Variants in SLC24A4 observed in about 807,000 individuals in gnomAD.
The protein encoded by SLC24A4 is sodium/potassium/calcium exchanger 4.
In SLC24A4, 53 loss-of-function variants were observed where a neutral mutation model predicts 79.0. The observed-to-expected ratio is 0.67, with a 90% CI of 0.54 to 0.84. SLC24A4 has a LOEUF of 0.84. Ranked by LOEUF, SLC24A4 falls within the 40% of genes least tolerant of loss-of-function variation. The pLI is 0.00. For missense variants in SLC24A4, 731 were observed against 822.0 expected, an observed-to-expected ratio of 0.89 and a Z score of 1.35; for synonymous variants, 323 against 323.8, an observed-to-expected ratio of 1.00 and a Z score of 0.03.
chr14:92,491,859 A>G (rs1028812632), intron 15 of SLC24A4, 82 bp downstream of exon 15: 1 of 1,097,458 alleles, frequency 9.1e-7, no homozygotes. Context: ...AGGCTCTAGG[A>G]GACGACCTCC....
In SLC24A4 at chr14:92,398,743, C is replaced by T. The variant is rs1291477625; in HGVS notation, c.242-35169C>T. Among the ~76,000 whole-genome samples the T allele has an allele frequency of 6.6e-6, 1 of 152,178 alleles. No homozygotes were observed. Among genetic ancestry groups the T allele is most frequent in the African/African-American group, 2.4e-5 (1 of 41,448 alleles). ...TGGGCTGCACAGGCCAGGAAATTAC[C>T]AGCATGTCCTCTCAAACACCTCCTG... On this transcript the variant is annotated intron_variant, in intron 2 of 16. Transcript: ENST00000532405. The surrounding 1 kb of genome is among the most constrained non-coding windows in gnomAD (Gnocchi z 4.1).
chr14:92,392,102 C>CT (rs887856310), intron 2 of SLC24A4, among the ~76,000 whole-genome samples: 3 of 152,060 alleles, frequency 2.0e-5, no homozygotes, highest in African/African-American at 7.2e-5. Flanking sequence ...CTCCTTCCTC[C>CT]TTCCCGGGGC....
intron 16 of SLC24A4, chr14:92,492,799 T>G (rs987002449): frequency 2.2e-6 from 1 of 454,132 alleles, no homozygotes; most frequent in Non-Finnish European, 4.4e-6. Context: ...TGGTCTGTCC[T>G]TAGGGAACTC....
At chr14:92,348,907 A>G (rs1886700625) in intron 2 of SLC24A4, among the ~76,000 whole-genome samples, 1 of 152,200 alleles carries the variant, frequency 6.6e-6, no homozygotes, top group African/African-American at 2.4e-5. Flanking sequence ...GAGAAAGCCT[A>G]AACTCAGGAG....
intron 2 of SLC24A4, among the ~76,000 whole-genome samples, chr14:92,344,603 T>G (rs1290206640): frequency 6.6e-6 from 1 of 152,130 alleles, no homozygotes; most frequent in East Asian, 1.9e-4. Context: ...GACTCCAATC[T>G]TAGGACCGAG....
intron 2 of SLC24A4, among the ~76,000 whole-genome samples, chr14:92,374,211 G>C (rs1226212106): frequency 6.6e-6 from 1 of 152,176 alleles, no homozygotes; most frequent in Non-Finnish European, 1.5e-5. Context: ...CATGATTTTT[G>C]TGACTGTTAC....
rs555952639 is a variant in SLC24A4 at position 92,498,221 on chromosome 14, G to A, written c.*4593G>A. The A allele has an allele frequency of 2.0e-5, 3 of 152,320 alleles. No individual in the cohort carries two copies. Among genetic ancestry groups the A allele is most frequent in the Admixed American group, 2.0e-4 (3 of 15,304 alleles). 9.4% of individuals were successfully genotyped at this position (152,320 alleles called of 1,614,324 possible). A position where few individuals can be genotyped will look rare whatever the true frequency, so the allele number is the denominator to read the frequency against. On this transcript the variant is annotated 3_prime_UTR_variant, in exon 17 of 17. Coordinates refer to ENST00000532405, the MANE Select transcript of SLC24A4 (RefSeq NM_153646.4). ...TCCTGGTCTCTGTAGCTGATCCTGT[G>A]AGCCCCTCAAGCATGAAGCCTCCCT...
intron 2 of SLC24A4, among the ~76,000 whole-genome samples, chr14:92,357,162 T>A (rs939190904): frequency 6.6e-6 from 1 of 152,216 alleles, no homozygotes; most frequent in African/African-American, 2.4e-5. Context: ...GATGTTTCAT[T>A]CTTCCTTGGA....
intron 13 of SLC24A4, among the ~76,000 whole-genome samples, chr14:92,483,283 T>TGTGCTG (rs1895165341): frequency 6.6e-6 from 1 of 152,174 alleles, no homozygotes; most frequent in Non-Finnish European, 1.5e-5. Context: ...CCCCCACTGA[T>TGTGCTG]GTGCTGGTGC....
chr14:92,445,791 G>A (rs973696040), intron 8 of SLC24A4, among the ~76,000 whole-genome samples: 1 of 152,110 alleles, frequency 6.6e-6, no homozygotes, highest in African/African-American at 2.4e-5. Flanking sequence ...TTATACAAGG[G>A]TAAACTCCAG....
intron 2 of SLC24A4, among the ~76,000 whole-genome samples, chr14:92,399,314 G>T (rs1280359119): frequency 6.6e-6 from 1 of 152,210 alleles, no homozygotes; most frequent in Admixed American, 6.5e-5. Flanking sequence ...TAGGGATAAA[G>T]ATTTTCCATT....
intron 2 of SLC24A4, among the ~76,000 whole-genome samples, chr14:92,389,125 T>C (rs1889328439): frequency 6.6e-6 from 1 of 152,170 alleles, no homozygotes; most frequent in Non-Finnish European, 1.5e-5. Context: ...CTGATGATTG[T>C]TGAACTTGGA....
Position 92,445,339 on chromosome 14 carries a change from T to C in SLC24A4, c.680T>C (p.Val227Ala), listed in dbSNP as rs1400880820. ...LIVFIYDEQI[V>A]WWEGLVLIIL... ...CAGTTCATATATGATGAACAAATTG[T>C]GTGGTAAGTTTTTCAAGTGTAGTTT... The change falls in exon 8 of 17, where the codon GTG (valine) becomes GCG (alanine). Residue 227 changes from valine (V) to alanine (A), a missense_variant. Coordinates refer to ENST00000532405, the MANE Select transcript of SLC24A4 (RefSeq NM_153646.4). The C allele has an allele frequency of 6.2e-7, 1 of 1,614,086 alleles. No homozygotes were observed. Among genetic ancestry groups the C allele is most frequent in the Admixed American group, 1.7e-5 (1 of 60,026 alleles).
chr14:92,405,085 T>C (rs1217266968), intron 2 of SLC24A4, among the ~76,000 whole-genome samples: 1 of 152,136 alleles, frequency 6.6e-6, no homozygotes, highest in African/African-American at 2.4e-5. Flanking sequence ...ACTTGCTGAC[T>C]GCCTGGGTAC....
chr14:92,327,540 C>T (rs1885218543), intron 2 of SLC24A4, among the ~76,000 whole-genome samples: 1 of 152,228 alleles, frequency 6.6e-6, no homozygotes, highest in African/African-American at 2.4e-5. Context: ...TGGCACCATC[C>T]CCATGGGAAC....
At chr14:92,400,231 G>T (rs1052522409) in intron 2 of SLC24A4, among the ~76,000 whole-genome samples, 3 of 152,118 alleles carry the variant, frequency 2.0e-5, no homozygotes, top group Admixed American at 6.5e-5. Flanking sequence ...ACGAGGTCAG[G>T]AGATCGAGAA....
intron 2 of SLC24A4, among the ~76,000 whole-genome samples, chr14:92,366,418 G>A (rs565468357): frequency 1.3e-4 from 20 of 152,316 alleles, no homozygotes; most frequent in African/African-American, 4.3e-4. Context: ...ACAAGGTCAC[G>A]GTAGCCTCGT....
rs1480170902 is a variant in SLC24A4 at position 92,498,580 on chromosome 14, C to G, written c.*4952C>G. On this transcript the variant is annotated 3_prime_UTR_variant, in exon 17 of 17. Coordinates refer to ENST00000532405, the MANE Select transcript of SLC24A4 (RefSeq NM_153646.4). ...TGGCGCCATGTTGGCTGGTTGCAAC[C>G]TCCACCTCCTGGGTTCAAGTGATTC... 2.0e-5 allele frequency: 3 copies of G among 151,834 alleles called. No homozygotes were observed. The highest frequency in any genetic ancestry group is 2.9e-5 in the Non-Finnish European group (2 of 68,044). The allele number at this position is 151,834 out of a possible 1,614,324, so 9.4% of individuals were successfully genotyped here.
At chr14:92,409,830 C>CATACACCATGGA (rs1890610339) in intron 2 of SLC24A4, among the ~76,000 whole-genome samples, 1 of 152,138 alleles carries the variant, frequency 6.6e-6, no homozygotes, top group Non-Finnish European at 1.5e-5. Context: ...ATGTGGAACA[C>CATACACCATGGA]ATACACCATG....
Sources: allele counts gnomAD v4.1 joint callset (sites outside exome capture counted in the v4.1 genomes callset), GRCh38; gene constraint gnomAD v4.1.1; non-coding constraint Gnocchi (gnomAD v3.1); transcripts MANE v1.5; gene names NCBI Gene and HGNC (gene_info 2026-07-23, HGNC 2026-07-21).